AMY2B: variants seen among roughly 807,000 people sequenced by gnomAD.
The protein encoded by AMY2B is amylase alpha 2B, also known as alpha-amylase 2B.
Under a neutral mutation model 59.3 loss-of-function variants are expected in AMY2B, and 63 were observed. The ratio of observed to expected loss-of-function variants is 1.06; its 90% CI spans 0.87 to 1.31. The LOEUF (loss-of-function observed/expected upper bound fraction) is 1.31, where lower values mean the gene tolerates loss of function less well. AMY2B is among the 50% of genes most tolerant of loss of function. The pLI, the probability that AMY2B is intolerant of heterozygous loss-of-function variation, is 0.00. For missense variants in AMY2B, 635 were observed against 626.7 expected (o/e 1.01, Z -0.14); for synonymous variants, 180 against 198.1 (o/e 0.91, Z 0.77).
chr1:103,570,443 G>A, upstream of AMY2B: 2 of 816,670 alleles, frequency 2.4e-6, no homozygotes, highest in Non-Finnish European at 4.2e-6. Context: ...CCAACACGGT[G>A]CTATCTGGTG....
intron 1 of AMY2B, among the ~76,000 whole-genome samples, chr1:103,561,524 A>G (rs918132729): frequency 9.2e-5 from 14 of 152,232 alleles, no homozygotes; most frequent in Middle Eastern, 3.4e-3. Context: ...CACTGCTTAC[A>G]TTCTAGTCTC....
chr1:103,571,362 A>G (rs1247266381), upstream of AMY2B: 1 of 1,084,186 alleles, frequency 9.2e-7, no homozygotes, highest in East Asian at 2.8e-5. Context: ...TGTGTATGGA[A>G]AAATAAAAGT....
In AMY2B at chr1:103,572,018, T is replaced by C. The variant is rs560372039; in HGVS notation, c.169-92T>C. The C allele has an allele frequency of 1.4e-4, 217 of 1,587,472 alleles. 1 individual carries two copies. The South Asian group carries it at 2.4e-3, about 18-fold the overall frequency. Reference sequence around the variant, plus strand: ...CAAGAGATAGCTGCATATACCAAGATTCAAGAATTTTTTATATTATTGATT... The same window carrying C: ...CAAGAGATAGCTGCATATACCAAGACTCAAGAATTTTTTATATTATTGATT... On this transcript the variant is annotated intron_variant, in intron 1 of 9. Transcript: ENST00000684275.
At chr1:103,575,400 T>TA in intron 6 of AMY2B, 41 bp from the exon 7 acceptor site, 1 of 1,612,914 alleles carries the variant, frequency 6.2e-7, no homozygotes, top group Non-Finnish European at 8.5e-7. Flanking sequence ...ATGGTAATGA[T>TA]ATTCTGATAT....
chr1:103,574,495 C>G lies in AMY2B; in HGVS notation c.878+102C>G, dbSNP rs1652266564. 1.9e-6 allele frequency: 3 copies of G among 1,588,954 alleles called. No homozygotes were observed. The South Asian group carries it at 3.3e-5, about 18-fold the overall frequency. On this transcript the variant is annotated intron_variant, in intron 5 of 9. Transcript: ENST00000684275. ...GGAACATTCTTTTTCAGACAACTAT[C>G]AAGGAGTCAATTGTTAATGATAAGT...
chr1:103,562,683 T>TTC (rs1027845854), intron 1 of AMY2B, among the ~76,000 whole-genome samples: 7 of 151,380 alleles, frequency 4.6e-5, no homozygotes, highest in African/African-American at 1.7e-4. Context: ...TTTTTTTTTT[T>TTC]TTTTTTTGTC....
chr1:103,570,677 G>A (rs1302615654), upstream of AMY2B: 1 of 578,478 alleles, frequency 1.7e-6, no homozygotes, highest in Non-Finnish European at 3.4e-6. Flanking sequence ...GCTTCTAAAT[G>A]GACTGTGAGC....
chr1:103,556,540 T>C lies in AMY2B; in HGVS notation c.-207+1431T>C, dbSNP rs182699721. Among the ~76,000 whole-genome samples, 12 of 151,882 alleles carry C rather than the reference T, an allele frequency of 7.9e-5. No homozygotes were observed. The East Asian group carries it at 2.3e-3, about 29-fold the overall frequency. On this transcript the variant is annotated intron_variant, in intron 1 of 11. Coordinates refer to the AMY2B transcript ENST00000361355. ...TTAAATAAGAGTGGGGTGGCTGAAA[T>C]TGAAATTAGAGTATAATAATATATA... is the stretch of plus-strand genomic sequence containing the variant.
At chr1:103,569,913 A>G, upstream of AMY2B, 1 of 468,310 alleles carries the variant, frequency 2.1e-6, no homozygotes, top group Non-Finnish European at 4.2e-6. Flanking sequence ...AAGATGACTC[A>G]GATCATGTTT....
chr1:103,565,997 T>C (rs1213692846), intron 2 of AMY2B, among the ~76,000 whole-genome samples: 1 of 152,180 alleles, frequency 6.6e-6, no homozygotes, highest in African/African-American at 2.4e-5. Flanking sequence ...CTCCCTGATT[T>C]TGAGTGTCCC....
rs1652223513 is a variant in AMY2B at position 103,573,595 on chromosome 1, GA to G, written c.514-111del. 3 of 1,489,876 alleles carry G rather than the reference GA, an allele frequency of 2.0e-6. No individual in the cohort carries two copies. The Admixed American group carries it at 5.3e-5, about 26-fold the overall frequency. The allele number at this position is 1,489,876 out of a possible 1,614,324, so 92.3% of individuals were successfully genotyped here. ...GAGCATCCCCAGCGCCCAATGCAAG[GA>G]AGTCACTATAGAATATCTCTTGAGG... is the stretch of plus-strand genomic sequence containing the variant. On this transcript the variant is annotated intron_variant, in intron 3 of 9. Coordinates refer to ENST00000684275, the MANE Select transcript of AMY2B (RefSeq NM_001387437.1).
chr1:103,575,550 G>A lies in AMY2B; in HGVS notation c.1101+10G>A. The A allele has an allele frequency of 6.2e-7, 1 of 1,613,296 alleles. No individual in the cohort carries two copies. Among genetic ancestry groups the A allele is most frequent in the Non-Finnish European group, 8.5e-7 (1 of 1,179,646 alleles). ...GTTTCAAAATGGAAACGTAAGTTTT[G>A]AAATTGTTCAAACTATCCTTTTCTC... On this transcript the variant is annotated intron_variant, in intron 7 of 9. Coordinates refer to ENST00000684275, the MANE Select transcript of AMY2B (RefSeq NM_001387437.1).
In AMY2B at chr1:103,573,794, T is replaced by G. The variant is rs773054778; in HGVS notation, c.600T>G (p.His200Gln). 3.7e-6 allele frequency: 6 copies of G among 1,613,822 alleles called. No individual in the cohort carries two copies. Among genetic ancestry groups the G allele is most frequent in the East Asian group, 4.5e-5 (2 of 44,880 alleles). Residue 200 changes from histidine (H) to glutamine (Q), a missense_variant, in exon 4 of 10, where the codon CAT (histidine) becomes CAG (glutamine). His to Gln is a conservative substitution (Grantham distance 24, BLOSUM62 0). Transcript: ENST00000684275. ...CCAAGATTGCCGAATATATGAATCA[T>G]CTCATTGACATTGGTGTTGCAGGGT... ...VRSKIAEYMNHLIDIGVAGFR... is the reference protein window; with the variant it reads ...VRSKIAEYMNQLIDIGVAGFR...
chr1:103,563,697 C>CT lies in AMY2B; in HGVS notation c.-206-1729dup, dbSNP rs369692882. ...CCTAAATTATATCTGCAAATTATCCCTTTTTTTTTACCAACATTCCAAATG... is the reference window on the plus strand; with the variant it reads ...CCTAAATTATATCTGCAAATTATCCCTTTTTTTTTTACCAACATTCCAAATG... On this transcript the variant is annotated intron_variant, in intron 1 of 11. Coordinates refer to the AMY2B transcript ENST00000361355. 2.9e-3 allele frequency among the ~76,000 whole-genome samples: 435 copies of CT among 151,126 alleles called. 3 individuals are homozygous for CT. Among genetic ancestry groups the CT allele is most frequent in the South Asian group, 6.1e-3 (29 of 4,766 alleles).
chr1:103,575,597 T>G, intron 7 of AMY2B, 57 bp downstream of exon 7: 1 of 1,601,944 alleles, frequency 6.2e-7, no homozygotes. Context: ...GGCAATCTTG[T>G]TCTAACTTAA....
intron 4 of AMY2B, 47 bp downstream of exon 4, chr1:103,573,985 A>C (rs1332589163): frequency 6.2e-7 from 1 of 1,612,834 alleles, no homozygotes; most frequent in Non-Finnish European, 8.5e-7. Flanking sequence ...TATTCATTAG[A>C]AAATAATGGC....
chr1:103,563,053 T>TATTTCA (rs1651785887), intron 1 of AMY2B, among the ~76,000 whole-genome samples: 1 of 152,072 alleles, frequency 6.6e-6, no homozygotes, highest in African/African-American at 2.4e-5. Context: ...AAAATACTTT[T>TATTTCA]GAGACCCTCA....
At chr1:103,570,224 A>G (rs1292311031), upstream of AMY2B, 1 of 517,304 alleles carries the variant, frequency 1.9e-6, no homozygotes, top group Non-Finnish European at 3.9e-6. Context: ...GACTTTGAGC[A>G]GTAGATGGCC....
At chr1:103,574,059 C>T in intron 4 of AMY2B, 121 bp downstream of exon 4, 2 of 1,549,006 alleles carry the variant, frequency 1.3e-6, no homozygotes, top group Non-Finnish European at 1.7e-6. Flanking sequence ...AAATGGTGTT[C>T]TTTAACCTCC....
Sources: gnomAD v4.1 joint callset for allele counts (sites outside exome capture counted in the v4.1 genomes callset) on GRCh38, gnomAD v4.1.1 for gene constraint, MANE v1.5 for transcripts, NCBI Gene and HGNC (gene_info 2026-07-23, HGNC 2026-07-21) for gene names.